Variants in MDGA2 observed in about 807,000 individuals in gnomAD.
MDGA2 encodes the protein MAM domain containing glycosylphosphatidylinositol anchor 2, also known as MAM domain-containing glycosylphosphatidylinositol anchor protein 2.
A neutral mutation model predicts 117.8 loss-of-function variants in MDGA2; 40 were observed. That is an observed-to-expected ratio of 0.34 (90% CI 0.26 to 0.44). MDGA2 has a LOEUF of 0.44. Among genes scored for constraint, MDGA2 ranks in the 20% least tolerant of loss-of-function variants. The probability of loss-of-function intolerance (pLI) is 1.00; values close to 1 mark genes in which losing one functional copy is unlikely to be tolerated. For synonymous variants in MDGA2, 452 were observed against 439.0 expected, an observed-to-expected ratio of 1.03 and a Z score of -0.37; for missense variants, 1,123 against 1,250.6, an observed-to-expected ratio of 0.90 and a Z score of 1.54.
At position 47,189,566 on chromosome 14, in the gene MDGA2, C is replaced by T. The variant is rs749627793; in HGVS notation, c.595+28455G>A. On this transcript the variant is annotated intron_variant, in intron 3 of 16. Coordinates refer to ENST00000399232, the MANE Select transcript of MDGA2 (RefSeq NM_001113498.3). ...GGTATTCTGAATCCATTTACTTTTC[C>T]TCCTCCCCATCACCTTTTAAACAAA... Among the ~76,000 whole-genome samples the T allele has an allele frequency of 2.8e-4, 43 of 152,034 alleles. 2 individuals carry two copies. The highest frequency in any genetic ancestry group is 6.0e-4 in the Non-Finnish European group (41 of 68,000).
At chr14:47,091,687 T>A (rs1594610652) in intron 6 of MDGA2, among the ~76,000 whole-genome samples, 3 of 152,176 alleles carry the variant, frequency 2.0e-5, no homozygotes, top group Admixed American at 2.0e-4. Context: ...ACAGTAAGAA[T>A]TTTCCAGCCT....
intron 6 of MDGA2, among the ~76,000 whole-genome samples, chr14:47,089,856 G>A (rs1459013951): frequency 6.7e-6 from 1 of 149,850 alleles, no homozygotes; most frequent in Non-Finnish European, 1.5e-5. Flanking sequence ...TTTTACTTCT[G>A]AAAAAAAAAG....
intron 8 of MDGA2, among the ~76,000 whole-genome samples, chr14:47,010,308 G>A (rs1184352170): frequency 1.3e-5 from 2 of 150,938 alleles, no homozygotes; most frequent in Non-Finnish European, 3.0e-5. Flanking sequence ...CTAAGTGCTA[G>A]CTTAAAGGTA....
chr14:47,468,933 A>G (rs941390482), intron 1 of MDGA2, among the ~76,000 whole-genome samples: 1 of 152,088 alleles, frequency 6.6e-6, no homozygotes, highest in Non-Finnish European at 1.5e-5. Context: ...GAAAATTTGA[A>G]AAAAATATTT....
At chr14:47,476,031 G>T (rs148961454) in intron 1 of MDGA2, among the ~76,000 whole-genome samples, 7 of 151,904 alleles carry the variant, frequency 4.6e-5, no homozygotes, top group Non-Finnish European at 5.9e-5. Context: ...TAAAATAAAA[G>T]AATAAACTTA....
At chr14:47,158,037 T>C (rs1181901808) in intron 3 of MDGA2, among the ~76,000 whole-genome samples, 2 of 151,236 alleles carry the variant, frequency 1.3e-5, no homozygotes. Flanking sequence ...ACACATACAT[T>C]ATACATACAG....
chr14:47,177,894 T>C (rs965857501), intron 3 of MDGA2, among the ~76,000 whole-genome samples: 3 of 152,152 alleles, frequency 2.0e-5, no homozygotes, highest in African/African-American at 7.2e-5. Flanking sequence ...AAACCTGCTG[T>C]ACTAGTTTTG....
At chr14:47,568,945 A>G (rs900521671) in intron 1 of MDGA2, among the ~76,000 whole-genome samples, 1 of 151,322 alleles carries the variant, frequency 6.6e-6, no homozygotes, top group African/African-American at 2.5e-5. Flanking sequence ...AAAACATAAA[A>G]TTAATGTCTT....
chr14:47,375,506 T>C (rs918712257), intron 1 of MDGA2, among the ~76,000 whole-genome samples: 6 of 152,176 alleles, frequency 3.9e-5, no homozygotes, highest in Admixed American at 2.0e-4. Flanking sequence ...TAACTTGCTT[T>C]CCCTAAATCT....
intron 3 of MDGA2, among the ~76,000 whole-genome samples, chr14:47,156,575 A>T (rs1883398554): frequency 6.6e-6 from 1 of 152,244 alleles, no homozygotes; most frequent in South Asian, 2.1e-4. Flanking sequence ...AAGTTAAAAA[A>T]ATCAATTAAT....
chr14:47,303,490 C>G (rs1267975872), intron 1 of MDGA2, among the ~76,000 whole-genome samples: 1 of 151,972 alleles, frequency 6.6e-6, no homozygotes, highest in Non-Finnish European at 1.5e-5. Flanking sequence ...TCTTAGTGCT[C>G]TGATATGTTT....
chr14:47,305,466 T>C (rs1889412685), intron 1 of MDGA2: 1 of 152,230 alleles, frequency 6.6e-6, no homozygotes, highest in Non-Finnish European at 1.5e-5. Flanking sequence ...CGAGGACATT[T>C]TGGCTTTGGG....
At chr14:47,497,005 G>C (rs1366209447) in intron 1 of MDGA2, among the ~76,000 whole-genome samples, 1 of 151,912 alleles carries the variant, frequency 6.6e-6, no homozygotes, top group East Asian at 1.9e-4. Flanking sequence ...TAGGGTTTGT[G>C]CTGATCTGAC....
intron 3 of MDGA2, among the ~76,000 whole-genome samples, chr14:47,153,685 G>A (rs1433879701): frequency 6.8e-6 from 1 of 146,856 alleles, no homozygotes; most frequent in Non-Finnish European, 1.5e-5. Flanking sequence ...ACTAAGTACA[G>A]GCAAAAAAAG....
chr14:47,568,211 T>TG (rs1379217109), intron 1 of MDGA2, among the ~76,000 whole-genome samples: 1 of 152,194 alleles, frequency 6.6e-6, no homozygotes, highest in Non-Finnish European at 1.5e-5. Context: ...ACTGCTGTTC[T>TG]GGGGGATTTT....
chr14:47,482,220 A>G (rs1374314457), intron 1 of MDGA2, among the ~76,000 whole-genome samples: 1 of 152,010 alleles, frequency 6.6e-6, no homozygotes, highest in East Asian at 1.9e-4. Flanking sequence ...GGAGAAAATT[A>G]TATGGTCCCA....
At chr14:47,526,792 G>C (rs1327846010) in intron 1 of MDGA2, among the ~76,000 whole-genome samples, 1 of 152,132 alleles carries the variant, frequency 6.6e-6, no homozygotes, top group East Asian at 1.9e-4. Flanking sequence ...TCTGTTGTAA[G>C]CGTCTGACTT....
chr14:47,476,851 G>A, intron 1 of MDGA2, among the ~76,000 whole-genome samples: 1 of 152,122 alleles, frequency 6.6e-6, no homozygotes, highest in Non-Finnish European at 1.5e-5. Flanking sequence ...AATATTCAAT[G>A]TTTTCATCTA....
At chr14:47,560,688 T>A (rs987494634) in intron 1 of MDGA2, among the ~76,000 whole-genome samples, 2 of 152,246 alleles carry the variant, frequency 1.3e-5, no homozygotes, top group Non-Finnish European at 2.9e-5. Context: ...TTTCTTTTGC[T>A]GTGCAGAAGC....
Sources: gnomAD v4.1 joint callset for allele counts (sites outside exome capture counted in the v4.1 genomes callset) on GRCh38, gnomAD v4.1.1 for gene constraint, MANE v1.5 for transcripts, NCBI Gene and HGNC (gene_info 2026-07-23, HGNC 2026-07-21) for gene names.